DUT: variants seen among roughly 807,000 people sequenced by gnomAD.
DUT encodes the protein deoxyuridine 5'-triphosphate nucleotidohydrolase, mitochondrial.
Under a neutral mutation model 28.8 loss-of-function variants are expected in DUT, and 21 were observed. That is an observed-to-expected ratio of 0.73 (90% CI 0.52 to 1.05). DUT has a LOEUF of 1.05. DUT is among the 50% of genes least tolerant of loss of function. The pLI, the probability that DUT is intolerant of heterozygous loss-of-function variation, is 0.00. For synonymous variants in DUT, 147 were observed against 143.7 expected, an observed-to-expected ratio of 1.02 and a Z score of -0.17; for missense variants, 344 against 351.8, an observed-to-expected ratio of 0.98 and a Z score of 0.18.
Position 48,334,488 on chromosome 15 carries a change from C to A in DUT, c.491C>A (p.Ser164Tyr). The change falls in exon 3 of 7, where the codon TCT (serine) becomes TAT (tyrosine). Residue 164 changes from serine to tyrosine, a missense_variant. By Grantham distance (144) the Ser-to-Tyr change is moderately radical (BLOSUM62 -2). Transcript: ENST00000331200. ...ACGGACATTCAGATAGCGCTCCCTT[C>A]TGGGTGTTATGGAAGAGTGGGTAAG... ...VKTDIQIALPSGCYGRVAPRS... is the reference protein window; with the variant it reads ...VKTDIQIALPYGCYGRVAPRS... 3 of 1,610,690 alleles carry A rather than the reference C, an allele frequency of 1.9e-6. No individual in the cohort carries two copies. Among genetic ancestry groups the A allele is most frequent in the Non-Finnish European group, 2.5e-6 (3 of 1,177,730 alleles).
Position 48,331,614 on chromosome 15 carries a change from C to A in DUT, c.99C>A (p.Ala33=). Residue 33 remains alanine, a synonymous_variant, in exon 1 of 7, where the codon GCC becomes GCA. Transcript: ENST00000331200. The stretch of plus-strand genomic sequence containing the variant: ...ACGCGCGAGGCGCACGGCAGAGGGC[C>A]GAAGCCGCGGTACTCTCCGGGCCAG... ...MQNARGARQR[A]EAAVLSGPGP... is the part of the protein sequence containing the mutation. The A allele has an allele frequency of 1.3e-6, 2 of 1,556,706 alleles. No individual in the cohort carries two copies. The highest frequency in any genetic ancestry group is 1.7e-6 in the Non-Finnish European group (2 of 1,152,220).
At chr15:48,338,093 T>C (rs139839187) in intron 4 of DUT, among the ~76,000 whole-genome samples, 1 of 152,118 alleles carries the variant, frequency 6.6e-6, no homozygotes, top group African/African-American at 2.4e-5. Context: ...CTGATACTTA[T>C]ATCCTGTAGG....
chr15:48,338,676 A>G (rs556270739), intron 4 of DUT, among the ~76,000 whole-genome samples: 1 of 152,360 alleles, frequency 6.6e-6, no homozygotes, highest in South Asian at 2.1e-4. Flanking sequence ...GGGCATTCTC[A>G]AATATTGCTG....
chr15:48,334,514 T>TTGGCTGCAAAA lies in DUT; in HGVS notation c.511+6_511+7insTGGCTGCAAAA. ...TGGGTGTTATGGAAGAGTGGGTAAG[T>TTGGCTGCAAAA]CATTTAAGAAACAGGTAACTATTTG... On this transcript the variant is annotated splice_region_variant and intron_variant, in intron 3 of 6. Transcript: ENST00000331200. The TTGGCTGCAAAA allele has an allele frequency of 6.3e-7, 1 of 1,593,586 alleles. No homozygotes were observed. The highest frequency in any genetic ancestry group is 8.6e-7 in the Non-Finnish European group (1 of 1,164,582).
At chr15:48,336,181 A>G in intron 4 of DUT, 91 bp downstream of exon 4, 1 of 1,112,638 alleles carries the variant, frequency 9.0e-7, no homozygotes, top group Non-Finnish European at 1.3e-6. Flanking sequence ...TTTATTTTTA[A>G]GAAAAGAAAA....
intron 3 of DUT, among the ~76,000 whole-genome samples, chr15:48,335,106 CTT>C (rs1325082340): frequency 6.6e-6 from 1 of 152,196 alleles, no homozygotes; most frequent in Non-Finnish European, 1.5e-5. Flanking sequence ...ACTGCCAGTA[CTT>C]CAGCCCTTAA....
intron 4 of DUT, among the ~76,000 whole-genome samples, chr15:48,340,870 T>C (rs1006600618): frequency 3.3e-5 from 5 of 152,130 alleles, no homozygotes; most frequent in Non-Finnish European, 7.4e-5. Flanking sequence ...TTTAGGCTTT[T>C]TGACATTTTT....
intron 4 of DUT, among the ~76,000 whole-genome samples, chr15:48,340,895 C>T (rs3784621): frequency 0.68 from 103,613 of 152,090 alleles, 37,800 homozygotes; most frequent in Non-Finnish European, 0.82. Flanking sequence ...ATGACTCAAT[C>T]GTATTTCAAT....
intron 4 of DUT, among the ~76,000 whole-genome samples, chr15:48,339,062 G>C (rs188260083): frequency 6.6e-6 from 1 of 152,242 alleles, no homozygotes; most frequent in Admixed American, 6.5e-5. Context: ...GCTATAGTGA[G>C]TTGTGATCAT....
chr15:48,338,563 A>G (rs1403471976), intron 4 of DUT, among the ~76,000 whole-genome samples: 1 of 152,228 alleles, frequency 6.6e-6, no homozygotes, highest in African/African-American at 2.4e-5. Context: ...ACTAGTCATC[A>G]GGGAATGAAA....
chr15:48,331,512 G>C lies in DUT; in HGVS notation c.-4G>C. 2 of 1,611,574 alleles carry C rather than the reference G, an allele frequency of 1.2e-6. No homozygotes were observed. Among genetic ancestry groups the C allele is most frequent in the Non-Finnish European group, 1.7e-6 (2 of 1,179,420 alleles). ...GGACCCAACCAGCCCAAACTCTGGG[G>C]GAAATGACTCCCCTCTGCCCTCGCC... On this transcript the variant is annotated 5_prime_UTR_variant, in exon 1 of 7. Transcript: ENST00000331200.
intron 2 of DUT, chr15:48,332,885 T>C: frequency 4.8e-6 from 2 of 420,444 alleles, no homozygotes; most frequent in Admixed American, 5.3e-5. Flanking sequence ...GCCTGTAATC[T>C]ACCACACTTT....
At position 48,331,443 on chromosome 15, in the gene DUT, C is replaced by G; in HGVS notation, c.-73C>G. 1 of 1,583,998 alleles carries G rather than the reference C, an allele frequency of 6.3e-7. No individual in the cohort carries two copies. Among genetic ancestry groups the G allele is most frequent in the Non-Finnish European group, 8.6e-7 (1 of 1,166,726 alleles). ...TCCGAGGTCATGTTCCCAGGACGGGCGCGTCTTCAGGGTGGAAGCCTGGCG... is the reference window on the plus strand; with the variant it reads ...TCCGAGGTCATGTTCCCAGGACGGGGGCGTCTTCAGGGTGGAAGCCTGGCG... On this transcript the variant is annotated 5_prime_UTR_variant, in exon 1 of 7. Coordinates refer to ENST00000331200, the MANE Select transcript of DUT (RefSeq NM_001025248.2).
rs780180352 is a variant in DUT at position 48,336,102 on chromosome 15, C to T, written c.556+12C>T. 4 of 1,585,904 alleles carry T rather than the reference C, an allele frequency of 2.5e-6. No individual in the cohort carries two copies. In the East Asian group the frequency reaches 9.2e-5, roughly 36 times the overall value. On this transcript the variant is annotated intron_variant, in intron 4 of 6. Transcript: ENST00000331200. ...TATTGATGTAGGAGGTAATATATTT[C>T]CTTTTTTATTCTGTAAATGTTTGCA...
intron 6 of DUT, 45 bp downstream of exon 6, chr15:48,341,630 T>G: frequency 1.4e-6 from 2 of 1,431,936 alleles, no homozygotes; most frequent in Non-Finnish European, 2.0e-6. Context: ...TATAACATCT[T>G]AAGTGAAGAA....
intron 1 of DUT, 86 bp downstream of exon 1, chr15:48,331,881 C>A: frequency 5.1e-6 from 2 of 394,538 alleles, no homozygotes; most frequent in Non-Finnish European, 7.0e-6. Flanking sequence ...GGCGAGCGGT[C>A]CTTCTGCGCG....
intron 6 of DUT, 146 bp from the exon 7 acceptor site, chr15:48,341,876 T>C: frequency 1.5e-6 from 1 of 680,390 alleles, no homozygotes; most frequent in Non-Finnish European, 2.5e-6. Flanking sequence ...CTTTTTAGAA[T>C]TTAATTTTCT....
Position 48,341,283 on chromosome 15 carries a change from C to T in DUT, c.557-6C>T. The T allele has an allele frequency of 6.3e-7, 1 of 1,575,398 alleles. No individual in the cohort carries two copies. The highest frequency in any genetic ancestry group is 8.6e-7 in the Non-Finnish European group (1 of 1,161,812). On this transcript the variant is annotated splice_polypyrimidine_tract_variant and splice_region_variant and intron_variant, in intron 4 of 6. Coordinates refer to ENST00000331200, the MANE Select transcript of DUT (RefSeq NM_001025248.2). ...ATTGAGATAATATTACTTTTCTTTT[C>T]TCTAGCTGGTGTCATAGATGAAGAT...
At chr15:48,337,433 C>T (rs1427608459) in intron 4 of DUT, among the ~76,000 whole-genome samples, 1 of 152,148 alleles carries the variant, frequency 6.6e-6, no homozygotes, top group Non-Finnish European at 1.5e-5. Flanking sequence ...TATTACTTAA[C>T]CTTTCTGAGC....
Sources: allele counts gnomAD v4.1 joint callset (sites outside exome capture counted in the v4.1 genomes callset), GRCh38; gene constraint gnomAD v4.1.1; transcripts MANE v1.5; gene names NCBI Gene and HGNC (gene_info 2026-07-23, HGNC 2026-07-21).